PTPRN2: variants seen among roughly 807,000 people sequenced by gnomAD.
PTPRN2 encodes the protein receptor-type tyrosine-protein phosphatase N2.
A neutral mutation model predicts 118.8 loss-of-function variants in PTPRN2; 74 were observed. The observed-to-expected ratio is 0.62, with a 90% CI of 0.52 to 0.76. The LOEUF (loss-of-function observed/expected upper bound fraction) is 0.76. Ranked by LOEUF, PTPRN2 falls within the 30% of genes least tolerant of loss-of-function variation. The pLI is 0.00. For missense variants in PTPRN2, 1,481 were observed against 1,394.4 expected (o/e 1.06, Z -0.99); for synonymous variants, 641 against 608.0 (o/e 1.05, Z -0.80).
chr7:157,604,193 G>T, intron 15 of PTPRN2, 118 bp from the exon 16 acceptor site: 1 of 883,636 alleles, frequency 1.1e-6, no homozygotes, highest in Non-Finnish European at 1.8e-6. Flanking sequence ...AGCCTCCAGG[G>T]TCCATCACAC....
intron 2 of PTPRN2, among the ~76,000 whole-genome samples, chr7:158,361,735 AAC>A (rs1448704816): frequency 9.9e-5 from 15 of 152,088 alleles, no homozygotes; most frequent in African/African-American, 3.6e-4. Context: ...GTGTTCCCCC[AAC>A]ACAGATACCA....
At chr7:158,502,793 C>T (rs1332908915) in intron 1 of PTPRN2, among the ~76,000 whole-genome samples, 2 of 151,998 alleles carry the variant, frequency 1.3e-5, no homozygotes, top group South Asian at 2.1e-4. Flanking sequence ...CTGTGTCCAT[C>T]AGCCACTGTG....
At position 158,190,650 on chromosome 7, in the gene PTPRN2, G is replaced by T. The variant is rs184460027; in HGVS notation, c.549+1677C>A. On this transcript the variant is annotated intron_variant, in intron 5 of 22. Coordinates refer to ENST00000389418, the MANE Select transcript of PTPRN2 (RefSeq NM_002847.5). Reference sequence around the variant, plus strand: ...AGACCCCCACCCTCCACCATGAGGGGTGATTTCAACCAACCAGGAAACACA... The same window carrying T: ...AGACCCCCACCCTCCACCATGAGGGTTGATTTCAACCAACCAGGAAACACA... 1.4e-4 allele frequency among the ~76,000 whole-genome samples: 21 copies of T among 152,300 alleles called. No individual in the cohort carries two copies. In the East Asian group the frequency reaches 3.9e-3, roughly 28 times the overall value.
At position 158,134,793 on chromosome 7, in the gene PTPRN2, G is replaced by A. The variant is rs758403705; in HGVS notation, c.1174-734C>T. Among the ~76,000 whole-genome samples, 152 of 152,304 alleles carry A rather than the reference G, an allele frequency of 1.0e-3. 1 individual carries two copies. The highest frequency in any genetic ancestry group is 7.5e-4 in the Non-Finnish European group (51 of 68,026). On this transcript the variant is annotated intron_variant, in intron 8 of 22. Transcript: ENST00000389418. ...TGCACCGGGTACAGATTTGCTTTGT[G>A]TGGGTTCTCATGTAATTACTACTCC...
chr7:158,272,564 C>T (rs1046336122), intron 3 of PTPRN2, among the ~76,000 whole-genome samples: 5 of 152,220 alleles, frequency 3.3e-5, no homozygotes, highest in African/African-American at 1.2e-4. Context: ...GGCAGCCCAC[C>T]TCAAAGACAC....
chr7:157,857,076 G>A (rs984941180), intron 12 of PTPRN2, among the ~76,000 whole-genome samples: 2 of 148,288 alleles, frequency 1.3e-5, no homozygotes, highest in Non-Finnish European at 3.0e-5. Flanking sequence ...CACAGCCGGG[G>A]CCACAGCACG....
chr7:158,372,279 A>ATG (rs1810086238), intron 2 of PTPRN2, among the ~76,000 whole-genome samples: 1 of 121,712 alleles, frequency 8.2e-6, no homozygotes. Context: ...TGATCCCCCC[A>ATG]ACGCTGGTCC....
chr7:158,030,850 T>G (rs779309044), intron 11 of PTPRN2: 1 of 152,312 alleles, frequency 6.6e-6, no homozygotes, highest in South Asian at 2.1e-4. Flanking sequence ...TGCCAAAGCC[T>G]TGGGCACTGC....
Position 157,742,950 on chromosome 7 carries a change from G to A in PTPRN2, c.1789-60013C>T, listed in dbSNP as rs186257770. On this transcript the variant is annotated intron_variant, in intron 12 of 22. Coordinates refer to ENST00000389418, the MANE Select transcript of PTPRN2 (RefSeq NM_002847.5). ...GTTTAATCTGTCTTGAAAATGCTTC[G>A]GTATTGCATGAACGTGATGCATGAT... Among the ~76,000 whole-genome samples, 13 of 152,282 alleles carry A rather than the reference G, an allele frequency of 8.5e-5. No homozygotes were observed. In the East Asian group the frequency reaches 1.7e-3, roughly 20 times the overall value.
At chr7:158,160,573 A>G (rs1344328574) in intron 6 of PTPRN2, among the ~76,000 whole-genome samples, 1 of 152,176 alleles carries the variant, frequency 6.6e-6, no homozygotes, top group Non-Finnish European at 1.5e-5. Flanking sequence ...GAAAGATACA[A>G]TTTCTTGAGA....
In PTPRN2 at chr7:157,898,678, C is replaced by T. The variant is rs750352348; in HGVS notation, c.1783G>A (p.Gly595Arg). 1.4e-5 allele frequency: 22 copies of T among 1,597,704 alleles called. No homozygotes were observed. The highest frequency in any genetic ancestry group is 1.7e-4 in the Middle Eastern group (1 of 6,056). The change falls in exon 12 of 23, where the codon GGG (glycine) becomes AGG (arginine). Residue 595 changes from glycine (G) to arginine (R), a missense_variant. Coordinates refer to ENST00000389418, the MANE Select transcript of PTPRN2 (RefSeq NM_002847.5). ...SGLKILQTGVGSKSKLKFLPP... is the reference protein window; with the variant it reads ...SGLKILQTGVRSKSKLKFLPP... Reference sequence around the variant, plus strand: ...GCACCCCTTCTGTTACTCACCGACCCGACTCCGGTTTGAAGAATTTTCAGT... The same window carrying T: ...GCACCCCTTCTGTTACTCACCGACCTGACTCCGGTTTGAAGAATTTTCAGT...
At position 157,868,493 on chromosome 7, in the gene PTPRN2, G is replaced by A. The variant is rs1170999731; in HGVS notation, c.1788+30180C>T. ...TTGTGAGTGTCAGGGCTGCGCTGCTGTCTTCCAGGTCCTCCCTGGTTTAAT... is the reference window on the plus strand; with the variant it reads ...TTGTGAGTGTCAGGGCTGCGCTGCTATCTTCCAGGTCCTCCCTGGTTTAAT... On this transcript the variant is annotated intron_variant, in intron 12 of 22. Coordinates refer to ENST00000389418, the MANE Select transcript of PTPRN2 (RefSeq NM_002847.5). This position sits in a 1 kb window ranked among gnomAD's most constrained non-coding sequence, Gnocchi z 5.2. The A allele has an allele frequency of 6.6e-6, 1 of 152,214 alleles. No individual in the cohort carries two copies. Among genetic ancestry groups the A allele is most frequent in the Non-Finnish European group, 1.5e-5 (1 of 68,056 alleles). The allele number at this position is 152,214 out of a possible 1,614,324, so 9.4% of individuals were successfully genotyped here.
At chr7:157,746,299 C>T (rs186824438) in intron 12 of PTPRN2, among the ~76,000 whole-genome samples, 2 of 151,814 alleles carry the variant, frequency 1.3e-5, no homozygotes, top group African/African-American at 2.4e-5. Context: ...CTCCCCTAGA[C>T]CCTACAGTCC....
At chr7:157,634,943 A>G (rs574722596) in intron 14 of PTPRN2, among the ~76,000 whole-genome samples, 2 of 152,320 alleles carry the variant, frequency 1.3e-5, no homozygotes, top group South Asian at 4.1e-4. Context: ...AGAACCTAAC[A>G]GGCCTCCAGG....
chr7:158,270,926 C>T (rs1199415192), intron 3 of PTPRN2, among the ~76,000 whole-genome samples: 3 of 70,004 alleles, frequency 4.3e-5, no homozygotes, highest in South Asian at 5.9e-4. Context: ...CTGGACCACC[C>T]CCCCCACCTG....
At chr7:157,952,628 C>G (rs564824452) in intron 11 of PTPRN2, among the ~76,000 whole-genome samples, 1 of 152,204 alleles carries the variant, frequency 6.6e-6, no homozygotes. Flanking sequence ...GCCATGGAGA[C>G]ACAGGTGTGG....
intron 2 of PTPRN2, among the ~76,000 whole-genome samples, chr7:158,359,992 G>C (rs764655410): frequency 1.3e-5 from 2 of 151,964 alleles, no homozygotes; most frequent in Non-Finnish European, 2.9e-5. Context: ...CGTGTGAAGG[G>C]GACACGGACG....
intron 3 of PTPRN2, among the ~76,000 whole-genome samples, chr7:158,261,725 C>A (rs182357765): frequency 6.6e-6 from 1 of 152,328 alleles, no homozygotes; most frequent in African/African-American, 2.4e-5. Flanking sequence ...CAGGACACAG[C>A]AGCTCTGTGG....
chr7:158,152,131 G>A (rs572804653), intron 6 of PTPRN2, among the ~76,000 whole-genome samples: 27 of 136,200 alleles, frequency 2.0e-4, no homozygotes, highest in Admixed American at 3.3e-4. Context: ...CCGAGATCAC[G>A]CCACTGCACT....
Sources: allele counts gnomAD v4.1 joint callset (sites outside exome capture counted in the v4.1 genomes callset), GRCh38; gene constraint gnomAD v4.1.1; non-coding constraint Gnocchi (gnomAD v3.1); transcripts MANE v1.5; gene names NCBI Gene and HGNC (gene_info 2026-07-23, HGNC 2026-07-21).